Variants in PCDHGB3 observed in about 807,000 individuals in gnomAD.
The protein encoded by PCDHGB3 is protocadherin gamma subfamily B, 3.
Under a neutral mutation model 59.2 loss-of-function variants are expected in PCDHGB3, and 40 were observed. The observed-to-expected ratio is 0.68, with a 90% CI of 0.52 to 0.88. The LOEUF is 0.88. PCDHGB3 is among the 40% of genes least tolerant of loss of function. The pLI is 0.00. For missense variants in PCDHGB3, 1,309 were observed against 1,187.9 expected (o/e 1.10, Z -1.50); for synonymous variants, 581 against 503.6 (o/e 1.15, Z -2.06).
rs754618010 is a variant in PCDHGB3 at position 141,370,745 on chromosome 5, T to G, written c.351T>G (p.Phe117Leu). 19 of 1,613,834 alleles carry G rather than the reference T, an allele frequency of 1.2e-5. 1 individual carries two copies. In the South Asian group the frequency reaches 2.1e-4, roughly 18 times the overall value. ...EMVAEKPLNFFHVTVLIQDIN... is the reference protein window; with the variant it reads ...EMVAEKPLNFLHVTVLIQDIN... ...TTGCTGAAAAGCCTTTAAACTTTTT[T>G]CATGTAACTGTGCTGATCCAGGATA... The change falls in exon 1 of 4, where the codon TTT becomes TTG. Residue 117 changes from phenylalanine (F) to leucine (L), a missense_variant. By Grantham distance (22) the Phe-to-Leu change is conservative (BLOSUM62 0). Coordinates refer to ENST00000576222, the MANE Select transcript of PCDHGB3 (RefSeq NM_018924.5).
intron 1 of PCDHGB3, 91 bp from the exon 2 acceptor site, chr5:141,494,716 C>T (rs1448674271): frequency 3.7e-6 from 6 of 1,604,970 alleles, no homozygotes; most frequent in East Asian, 4.5e-5. Flanking sequence ...TGCCCACTCC[C>T]CTCCTTCTCT....
At chr5:141,375,449 TC>T in intron 1 of PCDHGB3, 1 of 1,613,978 alleles carries the variant, frequency 6.2e-7, no homozygotes, top group Non-Finnish European at 8.5e-7. Context: ...CCCCCATTCA[TC>T]CTACTCAGTC....
chr5:141,489,165 G>T lies in PCDHGB3; in HGVS notation c.2416-5642G>T. ...GAAGGAGACATAAGAGACTTCAGCT[G>T]CTGCATTCCAAGCCCTGGGTCTACC... On this transcript the variant is annotated intron_variant, in intron 1 of 3. Coordinates refer to ENST00000576222, the MANE Select transcript of PCDHGB3 (RefSeq NM_018924.5). This position sits in a 1 kb window ranked among gnomAD's most constrained non-coding sequence, Gnocchi z 4.5. 9.2e-7 allele frequency: 1 copy of T among 1,082,084 alleles called. No homozygotes were observed. Among genetic ancestry groups the T allele is most frequent in the Non-Finnish European group, 1.3e-6 (1 of 745,856 alleles). 67.0% of individuals were successfully genotyped at this position (1,082,084 alleles called of 1,614,324 possible).
intron 1 of PCDHGB3, chr5:141,394,693 G>C: frequency 1.2e-6 from 2 of 1,613,006 alleles, no homozygotes; most frequent in Non-Finnish European, 1.7e-6. Context: ...GGCGAGGTGC[G>C]CACGGCGCGA....
chr5:141,406,528 TGAC>T (rs1369720853), intron 1 of PCDHGB3, among the ~76,000 whole-genome samples: 4 of 152,246 alleles, frequency 2.6e-5, no homozygotes, highest in Non-Finnish European at 5.9e-5. Context: ...AGATATTTTC[TGAC>T]GAAGATTCAA....
At chr5:141,464,470 C>T (rs1175806879) in intron 1 of PCDHGB3, among the ~76,000 whole-genome samples, 3 of 151,194 alleles carry the variant, frequency 2.0e-5, no homozygotes, top group Non-Finnish European at 2.9e-5. Flanking sequence ...GAAGTATGTA[C>T]GTATAATAAA....
intron 1 of PCDHGB3, chr5:141,395,582 G>T (rs1200378126): frequency 5.5e-6 from 1 of 181,100 alleles, no homozygotes; most frequent in Non-Finnish European, 1.1e-5. Flanking sequence ...GTGTGTGTGT[G>T]TGTGTGTGTA....
At position 141,431,052 on chromosome 5, in the gene PCDHGB3, G is replaced by T. The variant is rs148326556; in HGVS notation, c.2415+58243G>T. 7.4e-6 allele frequency: 12 copies of T among 1,614,110 alleles called. No homozygotes were observed. The African/African-American group carries it at 1.6e-4, about 22-fold the overall frequency. On this transcript the variant is annotated intron_variant, in intron 1 of 3. Coordinates refer to ENST00000576222, the MANE Select transcript of PCDHGB3 (RefSeq NM_018924.5). The surrounding 1 kb of genome is among the most constrained non-coding windows in gnomAD (Gnocchi z 4.8). ...ATAGACCGGGAGGAGCTCTGTATGG[G>T]GGCCATCAAGTGTCAATTAAATCTA...
At chr5:141,430,021 T>C (rs2097257368) in intron 1 of PCDHGB3, among the ~76,000 whole-genome samples, 1 of 152,226 alleles carries the variant, frequency 6.6e-6, no homozygotes, top group Admixed American at 6.5e-5. Context: ...TGGGTTCTTG[T>C]TAAGTGTGAT....
rs182104750 is a variant in PCDHGB3 at position 141,376,315 on chromosome 5, A to C, written c.2415+3506A>C. 8.5e-4 allele frequency: 1,369 copies of C among 1,614,156 alleles called. 7 individuals are homozygous for C. The Middle Eastern group carries it at 0.016, about 18-fold the overall frequency. On this transcript the variant is annotated intron_variant, in intron 1 of 3. Coordinates refer to ENST00000576222, the MANE Select transcript of PCDHGB3 (RefSeq NM_018924.5). ...CCGGCTCGCACTTTGTGGGCGTGGA[A>C]GGGGTTCGGGCTTTCCTGCAGACCT...
intron 1 of PCDHGB3, chr5:141,383,225 T>C: frequency 6.2e-7 from 1 of 1,613,970 alleles, no homozygotes; most frequent in Non-Finnish European, 8.5e-7. Flanking sequence ...TTTAACATCC[T>C]GATGGAAGAT....
chr5:141,490,923 C>T lies in PCDHGB3; in HGVS notation c.2416-3884C>T. The T allele has an allele frequency of 6.2e-7, 1 of 1,613,668 alleles. No homozygotes were observed. Among genetic ancestry groups the T allele is most frequent in the South Asian group, 1.1e-5 (1 of 91,050 alleles). On this transcript the variant is annotated intron_variant, in intron 1 of 3. Coordinates refer to ENST00000576222, the MANE Select transcript of PCDHGB3 (RefSeq NM_018924.5). The surrounding 1 kb of genome is among the most constrained non-coding windows in gnomAD (Gnocchi z 5.4). ...TTGTCCTAGACGAGAATGATAATGC[C>T]CCAGCTGTGCTGCACCCACGGCCAG...
At chr5:141,407,453 C>G (rs914537742) in intron 1 of PCDHGB3, among the ~76,000 whole-genome samples, 18 of 148,834 alleles carry the variant, frequency 1.2e-4, no homozygotes, top group African/African-American at 4.4e-4. Flanking sequence ...ACACGAGGCT[C>G]ACCAGACAGA....
intron 1 of PCDHGB3, among the ~76,000 whole-genome samples, chr5:141,467,414 C>A (rs1410743140): frequency 6.6e-5 from 10 of 152,168 alleles, no homozygotes; most frequent in African/African-American, 1.2e-4. Flanking sequence ...CCTTTCCCCA[C>A]ACCTAGGTTA....
At chr5:141,461,131 T>G (rs1372557827) in intron 1 of PCDHGB3, among the ~76,000 whole-genome samples, 1 of 152,094 alleles carries the variant, frequency 6.6e-6, no homozygotes, top group Non-Finnish European at 1.5e-5. Flanking sequence ...TATAATTACT[T>G]ATTTTCCTTT....
At chr5:141,414,918 G>A (rs1316323072) in intron 1 of PCDHGB3, 2 of 1,614,180 alleles carry the variant, frequency 1.2e-6, no homozygotes, top group Admixed American at 3.3e-5. Flanking sequence ...GCGTGGAGCT[G>A]GCGCCCCGCT....
intron 1 of PCDHGB3, chr5:141,423,750 TGGGGG>T: frequency 5.2e-5 from 15 of 287,416 alleles, no homozygotes; most frequent in Non-Finnish European, 6.3e-5. Context: ...GAAAACTGTT[TGGGGG>T]GGGGGTGGGG....
intron 1 of PCDHGB3, among the ~76,000 whole-genome samples, chr5:141,474,234 T>C (rs1458919904): frequency 6.6e-6 from 1 of 152,204 alleles, no homozygotes; most frequent in Non-Finnish European, 1.5e-5. Flanking sequence ...TAAGTGATGC[T>C]GAATAGGGGA....
chr5:141,436,875 A>C (rs1182313546), intron 1 of PCDHGB3, among the ~76,000 whole-genome samples: 3 of 152,236 alleles, frequency 2.0e-5, no homozygotes, highest in African/African-American at 7.2e-5. Context: ...TTAGGCCATA[A>C]AAGATGGGGG....
Sources: allele counts gnomAD v4.1 joint callset (sites outside exome capture counted in the v4.1 genomes callset), GRCh38; gene constraint gnomAD v4.1.1; non-coding constraint Gnocchi (gnomAD v3.1); transcripts MANE v1.5; gene names NCBI Gene and HGNC (gene_info 2026-07-23, HGNC 2026-07-21).